Variants in GALNT3 observed in about 807,000 individuals in gnomAD.
GALNT3 encodes the protein GalNAc transferase 3.
GALNT3 carries 51 observed loss-of-function variants against 69.8 expected under a neutral mutation model. That is an observed-to-expected ratio of 0.73 (90% CI 0.58 to 0.92). The LOEUF (loss-of-function observed/expected upper bound fraction) is 0.92. Ranked by LOEUF, GALNT3 falls within the 40% of genes least tolerant of loss-of-function variation. The pLI is 0.00. For missense variants in GALNT3, 711 were observed against 760.0 expected (o/e 0.94, Z 0.76); for synonymous variants, 265 against 248.5 (o/e 1.07, Z -0.63).
At chr2:165,793,559 C>T (rs575411189) in intron 1 of GALNT3, among the ~76,000 whole-genome samples, 1 of 152,332 alleles carries the variant, frequency 6.6e-6, no homozygotes, top group Admixed American at 6.5e-5. Context: ...AGTTGCCTGG[C>T]AAAGCCATGT....
chr2:165,784,515 G>A (rs1487129355), intron 1 of GALNT3, among the ~76,000 whole-genome samples: 4 of 152,168 alleles, frequency 2.6e-5, no homozygotes, highest in Non-Finnish European at 2.9e-5. Flanking sequence ...AGGTTGTTAA[G>A]TTGTGACGGG....
intron 2 of GALNT3, among the ~76,000 whole-genome samples, chr2:165,769,445 A>AATAAT (rs1190500682): frequency 1.8e-3 from 264 of 145,762 alleles, no homozygotes; most frequent in African/African-American, 6.5e-3. Flanking sequence ...AATAATAAAT[A>AATAAT]AATAAATAAA....
intron 1 of GALNT3, chr2:165,793,626 T>C (rs1683400336): frequency 6.6e-6 from 1 of 152,308 alleles, no homozygotes; most frequent in South Asian, 2.1e-4. Context: ...ACAGGCAACC[T>C]GCTAGCCGGA....
chr2:165,748,676 T>A lies in GALNT3; in HGVS notation c.*105A>T. The A allele has an allele frequency of 9.5e-7, 1 of 1,048,908 alleles. No homozygotes were observed. Among genetic ancestry groups the A allele is most frequent in the South Asian group, 1.4e-5 (1 of 71,304 alleles). The allele number at this position is 1,048,908 out of a possible 1,614,324, so 65.0% of individuals were successfully genotyped here. A position where few individuals can be genotyped will look rare whatever the true frequency, so the allele number is the denominator to read the frequency against. The stretch of plus-strand genomic sequence containing the variant: ...ATAAGAAAAATGCACTTGGAATAAG[T>A]TACATTTAGCTGCTTTTGCATAATT... On this transcript the variant is annotated 3_prime_UTR_variant, in exon 11 of 11. Coordinates refer to ENST00000392701, the MANE Select transcript of GALNT3 (RefSeq NM_004482.4).
intron 1 of GALNT3, among the ~76,000 whole-genome samples, chr2:165,781,483 GT>G (rs1489508583): frequency 4.6e-5 from 7 of 151,680 alleles, no homozygotes; most frequent in African/African-American, 1.2e-4. Context: ...TATGGTCCCA[GT>G]TACTCAAGAG....
chr2:165,772,584 CAAA>C (rs375725339), intron 1 of GALNT3, among the ~76,000 whole-genome samples: 16 of 66,946 alleles, frequency 2.4e-4, no homozygotes, highest in African/African-American at 6.9e-4. Context: ...GACTCTGTCT[CAAA>C]AAAAAAAAAA....
At chr2:165,749,172 C>T (rs75035043) in intron 10 of GALNT3, among the ~76,000 whole-genome samples, 183 of 152,162 alleles carry the variant, frequency 1.2e-3, no homozygotes, top group African/African-American at 4.3e-3. Flanking sequence ...CTTGATATAT[C>T]CATAAGTGAC....
At chr2:165,778,574 A>C (rs2105223058) in intron 1 of GALNT3, among the ~76,000 whole-genome samples, 1 of 152,256 alleles carries the variant, frequency 6.6e-6, no homozygotes, top group South Asian at 2.1e-4. Context: ...TGGCTGAAAT[A>C]AGTGTTCAAG....
At chr2:165,773,508 C>T (rs1344512643) in intron 1 of GALNT3, among the ~76,000 whole-genome samples, 1 of 151,958 alleles carries the variant, frequency 6.6e-6, no homozygotes, top group Non-Finnish European at 1.5e-5. Context: ...TTAACAAAGG[C>T]AAGAAACACA....
chr2:165,771,480 T>A (rs539240200), intron 1 of GALNT3: 96 of 152,294 alleles, frequency 6.3e-4, no homozygotes, highest in African/African-American at 2.2e-3. Context: ...AAAAAGAGAA[T>A]TCATTAGCTT....
At chr2:165,768,075 T>C (rs1262577017) in intron 2 of GALNT3, among the ~76,000 whole-genome samples, 3 of 152,074 alleles carry the variant, frequency 2.0e-5, no homozygotes, top group Admixed American at 6.5e-5. Context: ...GGTTTCACCA[T>C]GTTGGCCAGG....
At chr2:165,763,781 C>T (rs966067417) in intron 3 of GALNT3, among the ~76,000 whole-genome samples, 1 of 152,138 alleles carries the variant, frequency 6.6e-6, no homozygotes. Flanking sequence ...ATTTAGCTCC[C>T]ATGCACACCC....
chr2:165,749,000 T>C (rs1329497561), intron 10 of GALNT3, 97 bp from the exon 11 acceptor site: 17 of 1,270,054 alleles, frequency 1.3e-5, no homozygotes, highest in Admixed American at 7.9e-5. Context: ...GCAAACCTAA[T>C]AGCAAATCTT....
At chr2:165,791,140 A>G (rs990872751) in intron 1 of GALNT3, among the ~76,000 whole-genome samples, 1 of 152,178 alleles carries the variant, frequency 6.6e-6, no homozygotes, top group Non-Finnish European at 1.5e-5. Context: ...TATTTGAAAG[A>G]TTTAATCTAG....
At chr2:165,749,393 A>G (rs1279774875) in intron 10 of GALNT3, among the ~76,000 whole-genome samples, 1 of 152,134 alleles carries the variant, frequency 6.6e-6, no homozygotes, top group Non-Finnish European at 1.5e-5. Context: ...AAGTGAGAAG[A>G]TATAATAATT....
At chr2:165,769,670 G>T (rs1205044553) in intron 2 of GALNT3, among the ~76,000 whole-genome samples, 1 of 151,882 alleles carries the variant, frequency 6.6e-6, no homozygotes, top group African/African-American at 2.4e-5. Flanking sequence ...AAAAAATAGG[G>T]CATTCTGAAA....
Position 165,762,024 on chromosome 2 carries a change from A to C in GALNT3, c.719T>G (p.Val240Gly). The C allele has an allele frequency of 1.3e-6, 2 of 1,588,794 alleles. No individual in the cohort carries two copies. Among genetic ancestry groups the C allele is most frequent in the Non-Finnish European group, 1.7e-6 (2 of 1,157,214 alleles). Residue 240 changes from valine (V) to glycine (G), a missense_variant, in exon 4 of 11, where the codon GTA becomes GGA. Coordinates refer to ENST00000392701, the MANE Select transcript of GALNT3 (RefSeq NM_004482.4). ...EYLHDKLDEY[V>G]KQFSIVKIVR... is the part of the protein sequence containing the mutation. ...TATTTTTACTATAGAAAATTGTTTT[A>C]CATATTCATCTAGTTTATCATGTAA...
Position 165,754,758 on chromosome 2 carries a change from T to C in GALNT3, c.1525-30A>G, listed in dbSNP as rs192913291. 274 of 1,520,788 alleles carry C rather than the reference T, an allele frequency of 1.8e-4. 2 individuals carry two copies. In the African/African-American group the frequency reaches 3.4e-3, roughly 19 times the overall value. The allele number at this position is 1,520,788 out of a possible 1,614,324, so 94.2% of individuals were successfully genotyped here. On this transcript the variant is annotated intron_variant, in intron 8 of 10. Transcript: ENST00000392701. ...AGGAAAATTTTCAAGTTATGAAAAG[T>C]TTTTTAATCCATGTGATTTATATAT...
At chr2:165,779,724 T>C (rs1212981893) in intron 1 of GALNT3, among the ~76,000 whole-genome samples, 1 of 152,148 alleles carries the variant, frequency 6.6e-6, no homozygotes, top group Non-Finnish European at 1.5e-5. Context: ...AGAAAAAATG[T>C]GCATTGAACC....
Sources: allele counts gnomAD v4.1 joint callset (sites outside exome capture counted in the v4.1 genomes callset), GRCh38; gene constraint gnomAD v4.1.1; transcripts MANE v1.5; gene names NCBI Gene and HGNC (gene_info 2026-07-23, HGNC 2026-07-21).